Variants in GHR observed in about 807,000 individuals in gnomAD.
The protein encoded by GHR is GH receptor.
A neutral mutation model predicts 67.1 loss-of-function variants in GHR; 35 were observed. That is an observed-to-expected ratio of 0.52 (90% CI 0.40 to 0.69). GHR has a LOEUF of 0.69. GHR is among the 30% of genes least tolerant of loss of function. GHR has a pLI of 0.00. For synonymous variants in GHR, 272 were observed against 269.1 expected (o/e 1.01, Z -0.10); for missense variants, 792 against 764.6 (o/e 1.04, Z -0.42).
chr5:42,680,750 C>A (rs1429042095), intron 3 of GHR, among the ~76,000 whole-genome samples: 1 of 152,094 alleles, frequency 6.6e-6, no homozygotes, highest in Non-Finnish European at 1.5e-5. Context: ...GGTAATCCAC[C>A]CGCCTCAGCC....
intron 1 of GHR, among the ~76,000 whole-genome samples, chr5:42,489,716 T>G (rs1341263656): frequency 1.3e-5 from 2 of 152,256 alleles, no homozygotes; most frequent in Non-Finnish European, 2.9e-5. Context: ...CATTGAAGTT[T>G]TATTAGTCTG....
At chr5:42,649,841 C>T (rs1166059976) in intron 3 of GHR, among the ~76,000 whole-genome samples, 2 of 152,112 alleles carry the variant, frequency 1.3e-5, no homozygotes, top group Non-Finnish European at 2.9e-5. Context: ...ACCCCTAAAA[C>T]AAGGATTTGG....
intron 1 of GHR, among the ~76,000 whole-genome samples, chr5:42,450,779 A>G (rs950541181): frequency 2.6e-5 from 4 of 152,032 alleles, no homozygotes; most frequent in African/African-American, 9.7e-5. Flanking sequence ...AAACTATGAA[A>G]TTTCCTCTTA....
At chr5:42,533,844 C>G (rs904473881) in intron 1 of GHR, among the ~76,000 whole-genome samples, 1 of 151,424 alleles carries the variant, frequency 6.6e-6, no homozygotes, top group Non-Finnish European at 1.5e-5. Context: ...ACCCTTCCCC[C>G]AAAGTCCCCA....
chr5:42,719,150 C>G lies in GHR; in HGVS notation c.1643C>G (p.Pro548Arg), dbSNP rs762670275. ...GCCAAAAAGTGCATCCCTGTGGCTC[C>G]TCACATCAAGGTTGAATCACACATA... ...ADAKKCIPVA[P>R]HIKVESHIQP... Residue 548 changes from proline to arginine, a missense_variant, in exon 10 of 10, where the codon CCT (proline) becomes CGT (arginine). Pro to Arg is a moderately radical substitution (Grantham distance 103). Transcript: ENST00000230882. 1 of 1,614,078 alleles carries G rather than the reference C, an allele frequency of 6.2e-7. No homozygotes were observed. Among genetic ancestry groups the G allele is most frequent in the Non-Finnish European group, 8.5e-7 (1 of 1,179,980 alleles).
chr5:42,487,476 C>T (rs996172754), intron 1 of GHR, among the ~76,000 whole-genome samples: 2 of 152,164 alleles, frequency 1.3e-5, no homozygotes, highest in Non-Finnish European at 2.9e-5. Flanking sequence ...TTAGCTGTCA[C>T]TCCACGTTTC....
At position 42,601,487 on chromosome 5, in the gene GHR, G is replaced by A. The variant is rs34598859; in HGVS notation, c.71-27551G>A. Among the ~76,000 whole-genome samples the A allele has an allele frequency of 1.1e-3, 166 of 152,108 alleles. 1 individual carries two copies. The highest frequency in any genetic ancestry group is 8.5e-3 in the South Asian group (41 of 4,812). ...GTTTTAAGGTTAGTGGTTCCAAAGG[G>A]ATTTTAGAGACCCTGACCCAATAAT... is the stretch of plus-strand genomic sequence containing the variant. On this transcript the variant is annotated intron_variant, in intron 2 of 9. Transcript: ENST00000230882.
chr5:42,661,537 T>TA (rs1345542923), intron 3 of GHR, among the ~76,000 whole-genome samples: 3 of 152,188 alleles, frequency 2.0e-5, no homozygotes, highest in Non-Finnish European at 4.4e-5. Flanking sequence ...TAAAATACTT[T>TA]ACAGACAAGC....
intron 1 of GHR, among the ~76,000 whole-genome samples, chr5:42,523,109 T>C (rs1029565554): frequency 8.5e-5 from 13 of 152,228 alleles, no homozygotes; most frequent in African/African-American, 3.1e-4. Context: ...CACACACTGG[T>C]GAGTTTCAAA....
At chr5:42,644,185 C>G (rs1580115058) in intron 3 of GHR, among the ~76,000 whole-genome samples, 1 of 152,124 alleles carries the variant, frequency 6.6e-6, no homozygotes, top group East Asian at 1.9e-4. Context: ...TTAATCTTAC[C>G]ACATGATATT....
intron 6 of GHR, among the ~76,000 whole-genome samples, chr5:42,701,426 G>A (rs762984759): frequency 1.2e-4 from 19 of 152,156 alleles, no homozygotes; most frequent in African/African-American, 4.3e-4. Context: ...TGTCTGCTGC[G>A]TACTGAGGTA....
chr5:42,577,684 C>T (rs1051368756), intron 2 of GHR, among the ~76,000 whole-genome samples: 4 of 152,172 alleles, frequency 2.6e-5, no homozygotes, highest in African/African-American at 9.7e-5. Flanking sequence ...AACAGCTGAA[C>T]TTATACATTT....
intron 2 of GHR, among the ~76,000 whole-genome samples, chr5:42,594,500 G>C (rs1364522133): frequency 6.6e-6 from 1 of 151,982 alleles, no homozygotes; most frequent in Non-Finnish European, 1.5e-5. Context: ...AGACTACATT[G>C]GATATATTAT....
intron 2 of GHR, among the ~76,000 whole-genome samples, chr5:42,589,968 G>C (rs978254573): frequency 6.6e-6 from 1 of 152,146 alleles, no homozygotes; most frequent in Non-Finnish European, 1.5e-5. Context: ...GGGACCCTAG[G>C]AGTCTACAGT....
chr5:42,453,707 C>T (rs750278196), intron 1 of GHR, among the ~76,000 whole-genome samples: 13 of 152,274 alleles, frequency 8.5e-5, no homozygotes, highest in South Asian at 2.1e-4. Flanking sequence ...CTCTTGTGGG[C>T]GATACTCACC....
intron 1 of GHR, among the ~76,000 whole-genome samples, chr5:42,457,410 A>G (rs1324696613): frequency 1.3e-5 from 2 of 152,160 alleles, no homozygotes; most frequent in Non-Finnish European, 2.9e-5. Flanking sequence ...TAAAAATAAC[A>G]CACTTATTGT....
At chr5:42,597,448 T>C (rs917204423) in intron 2 of GHR, among the ~76,000 whole-genome samples, 2 of 152,120 alleles carry the variant, frequency 1.3e-5, no homozygotes, top group Admixed American at 1.3e-4. Context: ...CCAGTGCCCA[T>C]AGGTGGATCC....
At chr5:42,547,755 C>T (rs1477728415) in intron 1 of GHR, among the ~76,000 whole-genome samples, 3 of 152,130 alleles carry the variant, frequency 2.0e-5, no homozygotes, top group African/African-American at 7.2e-5. Context: ...CTTTATACTG[C>T]TGACAAATGG....
chr5:42,694,868 A>G (rs1416676058), intron 4 of GHR, 49 bp from the exon 5 acceptor site: 1 of 1,393,510 alleles, frequency 7.2e-7, no homozygotes, highest in East Asian at 2.3e-5. Context: ...GACTTAAGCT[A>G]CAACATGATT....
Sources: allele counts gnomAD v4.1 joint callset (sites outside exome capture counted in the v4.1 genomes callset), GRCh38; gene constraint gnomAD v4.1.1; transcripts MANE v1.5; gene names NCBI Gene and HGNC (gene_info 2026-07-23, HGNC 2026-07-21).